Variants in MEIKIN observed in about 807,000 individuals in gnomAD.
The protein encoded by MEIKIN is meiosis-specific kinetochore protein.
chr5:131,907,832 A>G (rs568866385), intron 8 of MEIKIN, among the ~76,000 whole-genome samples: 1 of 152,214 alleles, frequency 6.6e-6, no homozygotes, highest in African/African-American at 2.4e-5. Context: ...AGATTGTGCC[A>G]CTGCACTCCA....
chr5:131,807,512 A>T (rs944944272), intron 12 of MEIKIN, among the ~76,000 whole-genome samples: 1 of 152,222 alleles, frequency 6.6e-6, no homozygotes, highest in African/African-American at 2.4e-5. Context: ...TCTGGTGGAA[A>T]GCCCAGCAAA....
intron 11 of MEIKIN, among the ~76,000 whole-genome samples, chr5:131,842,565 TTCTTC>T (rs1283671054): frequency 6.6e-6 from 1 of 152,200 alleles, no homozygotes; most frequent in Non-Finnish European, 1.5e-5. Context: ...AATACGTTTT[TTCTTC>T]TCTTGATGTT....
intron 9 of MEIKIN, among the ~76,000 whole-genome samples, chr5:131,863,937 C>T (rs1038174122): frequency 6.6e-6 from 1 of 152,170 alleles, no homozygotes; most frequent in East Asian, 1.9e-4. Context: ...TGAGGCCTCC[C>T]CAGCCATGTG....
At chr5:131,919,324 C>T (rs1561755087) in intron 6 of MEIKIN, among the ~76,000 whole-genome samples, 1 of 152,138 alleles carries the variant, frequency 6.6e-6, no homozygotes, top group Non-Finnish European at 1.5e-5. Context: ...TTGGCAATAT[C>T]CAATAAAATG....
intron 5 of MEIKIN, among the ~76,000 whole-genome samples, chr5:131,926,565 T>A (rs1159862997): frequency 6.6e-6 from 1 of 152,188 alleles, no homozygotes; most frequent in South Asian, 2.1e-4. Context: ...AGTTTGAAAG[T>A]GTCTTCTCCT....
chr5:131,919,698 T>C (rs1474776668), intron 6 of MEIKIN, among the ~76,000 whole-genome samples: 1 of 151,960 alleles, frequency 6.6e-6, no homozygotes, highest in Non-Finnish European at 1.5e-5. Flanking sequence ...TACATGGATA[T>C]CTCCTGATTT....
intron 9 of MEIKIN, among the ~76,000 whole-genome samples, chr5:131,875,319 C>T (rs1206299156): frequency 6.6e-6 from 1 of 152,088 alleles, no homozygotes; most frequent in Non-Finnish European, 1.5e-5. Context: ...AATCAATGTA[C>T]AAAAATCACA....
chr5:131,816,340 G>A (rs1773098540), intron 12 of MEIKIN, among the ~76,000 whole-genome samples: 1 of 152,096 alleles, frequency 6.6e-6, no homozygotes, highest in South Asian at 2.1e-4. Context: ...TTGTAGATGT[G>A]GTTAATATCT....
At chr5:131,879,988 G>A (rs945447292) in intron 8 of MEIKIN, among the ~76,000 whole-genome samples, 10 of 151,360 alleles carry the variant, frequency 6.6e-5, no homozygotes, top group Non-Finnish European at 1.2e-4. Flanking sequence ...GGCGTGATCC[G>A]GGCTCACGGC....
chr5:131,814,437 C>A (rs757304703), intron 12 of MEIKIN, among the ~76,000 whole-genome samples: 2 of 151,970 alleles, frequency 1.3e-5, no homozygotes, highest in Non-Finnish European at 2.9e-5. Context: ...ACCACCACAC[C>A]TGGCTAATTT....
At chr5:131,937,973 G>A (rs1751808819) in intron 4 of MEIKIN, among the ~76,000 whole-genome samples, 1 of 151,708 alleles carries the variant, frequency 6.6e-6, no homozygotes, top group Admixed American at 6.6e-5. Flanking sequence ...ATACACTCAT[G>A]ACCATTTTTA....
intron 5 of MEIKIN, among the ~76,000 whole-genome samples, chr5:131,927,074 A>C (rs538022235): frequency 1.1e-4 from 16 of 151,732 alleles, no homozygotes; most frequent in Middle Eastern, 6.8e-3. Context: ...TAGTTCCTTG[A>C]GGTGTAACAT....
chr5:131,818,866 G>A lies in MEIKIN; in HGVS notation c.976-3C>T. ...ATTTCTGATGCATTTGCAGGAAACT[G>A]GAAAAGAAAAAAAGCAGATATTGCA... On this transcript the variant is annotated splice_region_variant and splice_polypyrimidine_tract_variant and intron_variant, in intron 11 of 12. Transcript: ENST00000442687. 2 of 397,302 alleles carry A rather than the reference G, an allele frequency of 5.0e-6. No homozygotes were observed. Among genetic ancestry groups the A allele is most frequent in the Non-Finnish European group, 8.9e-6 (2 of 225,348 alleles). The allele number at this position is 397,302 out of a possible 1,614,324, so 24.6% of individuals were successfully genotyped here.
intron 8 of MEIKIN, among the ~76,000 whole-genome samples, chr5:131,898,130 G>A (rs181338125): frequency 3.3e-5 from 5 of 152,216 alleles, no homozygotes; most frequent in East Asian, 1.9e-4. Flanking sequence ...ATTCCTTTCC[G>A]TTTGTTAGTT....
At chr5:131,907,939 TAA>T (rs1444381924) in intron 8 of MEIKIN, among the ~76,000 whole-genome samples, 1 of 152,010 alleles carries the variant, frequency 6.6e-6, no homozygotes, top group Non-Finnish European at 1.5e-5. Context: ...GAAGCTATAA[TAA>T]AAAGTCTCCT....
chr5:131,828,023 A>T (rs1051047256), intron 11 of MEIKIN, among the ~76,000 whole-genome samples: 1 of 151,568 alleles, frequency 6.6e-6, no homozygotes, highest in Admixed American at 6.6e-5. Flanking sequence ...TGGGTGACAG[A>T]GCAAGACCCT....
At chr5:131,936,343 A>T (rs1751776814) in intron 4 of MEIKIN, among the ~76,000 whole-genome samples, 2 of 152,348 alleles carry the variant, frequency 1.3e-5, no homozygotes, top group South Asian at 4.1e-4. Flanking sequence ...TACTCGCTAG[A>T]GACAACTACT....
intron 4 of MEIKIN, 34 bp downstream of exon 4, chr5:131,942,601 G>A (rs1020378659): frequency 1.3e-5 from 5 of 398,238 alleles, no homozygotes; most frequent in East Asian, 1.1e-4. Context: ...AGGAAAAACA[G>A]AAAGCTGAGG....
chr5:131,933,992 G>T (rs189389514), intron 4 of MEIKIN, among the ~76,000 whole-genome samples: 173 of 151,964 alleles, frequency 1.1e-3, no homozygotes, highest in Admixed American at 9.2e-3. Context: ...ATAGCCCAGG[G>T]TGGAGTGCAG....
Sources: allele counts gnomAD v4.1 joint callset (sites outside exome capture counted in the v4.1 genomes callset), GRCh38; gene constraint gnomAD v4.1.1; transcripts MANE v1.5; gene names NCBI Gene and HGNC (gene_info 2026-07-23, HGNC 2026-07-21).